The following COL23A1 variants were observed in gnomAD, a reference collection of about 807,000 sequenced individuals.
The protein encoded by COL23A1 is collagen alpha-1(XXIII) chain.
In COL23A1, 97 loss-of-function variants were observed where a neutral mutation model predicts 99.3. The ratio of observed to expected loss-of-function variants is 0.98; its 90% CI spans 0.83 to 1.16. COL23A1 has a LOEUF of 1.16. Ranked by LOEUF, COL23A1 falls within the 50% of genes most tolerant of loss-of-function variation. The pLI, the probability that COL23A1 is intolerant of heterozygous loss-of-function variation, is 0.00. For missense variants in COL23A1, 762 were observed against 757.4 expected (o/e 1.01, Z -0.07); for synonymous variants, 320 against 308.2 (o/e 1.04, Z -0.40).
chr5:178,329,300 C>T (rs976698884), intron 2 of COL23A1, among the ~76,000 whole-genome samples: 3 of 152,228 alleles, frequency 2.0e-5, no homozygotes, highest in Non-Finnish European at 4.4e-5. Context: ...TCACCCGAGT[C>T]GGCTTCCATT....
intron 1 of COL23A1, among the ~76,000 whole-genome samples, chr5:178,586,897 TAAG>T (rs1179888657): frequency 1.3e-5 from 2 of 152,174 alleles, no homozygotes; most frequent in Non-Finnish European, 2.9e-5. Context: ...ACAGAGTTGA[TAAG>T]AGAAAAGGAA....
At chr5:178,333,942 C>T (rs566245838) in intron 2 of COL23A1, among the ~76,000 whole-genome samples, 1 of 152,302 alleles carries the variant, frequency 6.6e-6, no homozygotes, top group Admixed American at 6.5e-5. Flanking sequence ...CTGTCCAGTG[C>T]GTGAGCCCCT....
At chr5:178,380,691 T>C (rs1311274020) in intron 2 of COL23A1, among the ~76,000 whole-genome samples, 1 of 152,142 alleles carries the variant, frequency 6.6e-6, no homozygotes, top group African/African-American at 2.4e-5. Context: ...CGGCCCTGGC[T>C]AAGAGGACGG....
intron 2 of COL23A1, among the ~76,000 whole-genome samples, chr5:178,435,418 C>T (rs1229864395): frequency 6.6e-6 from 1 of 152,076 alleles, no homozygotes; most frequent in African/African-American, 2.4e-5. Context: ...AACTTCAACC[C>T]TCCACTTGGC....
intron 2 of COL23A1, among the ~76,000 whole-genome samples, chr5:178,420,534 T>A (rs1765572606): frequency 1.4e-5 from 1 of 70,814 alleles, no homozygotes; most frequent in Non-Finnish European, 2.8e-5. Flanking sequence ...CCTCCTCACT[T>A]TCCTCCTCCC....
At chr5:178,435,621 C>T (rs1303176185) in intron 2 of COL23A1, among the ~76,000 whole-genome samples, 2 of 152,186 alleles carry the variant, frequency 1.3e-5, no homozygotes, top group African/African-American at 2.4e-5. Flanking sequence ...GGATGCATCT[C>T]GTGGGCTTCC....
rs1484964158 is a variant in COL23A1 at position 178,323,040 on chromosome 5, G to A, written c.362-16121C>T. Among the ~76,000 whole-genome samples, 7 of 152,258 alleles carry A rather than the reference G, an allele frequency of 4.6e-5. No homozygotes were observed. In the South Asian group the frequency reaches 1.2e-3, roughly 27 times the overall value. ...CTTTCGGAGGGAGGCTAAGCAGGAC[G>A]GGGTGGAGGATGTGGGGTGGCATGT... On this transcript the variant is annotated intron_variant, in intron 2 of 28. Coordinates refer to ENST00000390654, the MANE Select transcript of COL23A1 (RefSeq NM_173465.4).
chr5:178,493,645 A>G lies in COL23A1; in HGVS notation c.361+67037T>C, dbSNP rs1163024686. On this transcript the variant is annotated intron_variant, in intron 2 of 28. Coordinates refer to ENST00000390654, the MANE Select transcript of COL23A1 (RefSeq NM_173465.4). ...CCACACCTCCAAGGTTCCAGAGAGG[A>G]AAGTTCAAGGAAAGAGTTTTCTCTG... 2.6e-5 allele frequency among the ~76,000 whole-genome samples: 4 copies of G among 152,254 alleles called. No individual in the cohort carries two copies. The East Asian group carries it at 5.8e-4, about 22-fold the overall frequency.
At chr5:178,321,169 A>G (rs1759281867) in intron 2 of COL23A1, among the ~76,000 whole-genome samples, 1 of 152,224 alleles carries the variant, frequency 6.6e-6, no homozygotes, top group Non-Finnish European at 1.5e-5. Context: ...CATCTTAACC[A>G]TTCTTGAGTG....
intron 2 of COL23A1, among the ~76,000 whole-genome samples, chr5:178,370,676 C>T (rs769003635): frequency 5.8e-4 from 89 of 152,142 alleles, no homozygotes; most frequent in South Asian, 1.7e-3. Context: ...CTGGGTAACA[C>T]GGTGAGACCC....
chr5:178,414,995 G>A (rs1002809960), intron 2 of COL23A1, among the ~76,000 whole-genome samples: 4 of 152,094 alleles, frequency 2.6e-5, no homozygotes, highest in African/African-American at 9.7e-5. Context: ...AGCCAGAAAT[G>A]GCACCCAAAA....
chr5:178,489,850 A>G (rs769348998), intron 2 of COL23A1, among the ~76,000 whole-genome samples: 2 of 152,216 alleles, frequency 1.3e-5, no homozygotes, highest in Non-Finnish European at 2.9e-5. Context: ...TACAATACCC[A>G]AGAGGTAGAA....
rs1416581334 is a variant in COL23A1 at position 178,270,335 on chromosome 5, AC to A, written c.468+1del. 1.5e-5 allele frequency: 25 copies of A among 1,613,824 alleles called. No homozygotes were observed. Among genetic ancestry groups the A allele is most frequent in the Non-Finnish European group, 1.9e-5 (23 of 1,180,004 alleles). On this transcript the variant is annotated splice_donor_variant, in intron 6 of 28. Coordinates refer to ENST00000390654, the MANE Select transcript of COL23A1 (RefSeq NM_173465.4). LOFTEE classifies it high-confidence loss of function. ...CCCTGGAATTGCCCTGTCATCACTT[AC>A]GGGCTTGCCATCCAAACCCAGGGGT...
chr5:178,283,864 G>A (rs1400361470), intron 5 of COL23A1, among the ~76,000 whole-genome samples: 1 of 152,190 alleles, frequency 6.6e-6, no homozygotes, highest in African/African-American at 2.4e-5. Context: ...ATGACATTGA[G>A]CTTCTAATTA....
At position 178,302,447 on chromosome 5, in the gene COL23A1, C is replaced by CTG. The variant is rs1758125482; in HGVS notation, c.406+4426_406+4427dup. ...GCCGGAGCACGGCTTCAATCCACCT[C>CTG]TGTGTGTGCCGGAGCACGGCTTCAA... On this transcript the variant is annotated intron_variant, in intron 3 of 28. Transcript: ENST00000390654. 4.0e-5 allele frequency among the ~76,000 whole-genome samples: 2 copies of CTG among 49,816 alleles called. 1 individual carries two copies. 32.7% of individuals were successfully genotyped at this position (49,816 alleles called of 152,430 possible). A position where few individuals can be genotyped will look rare whatever the true frequency, so the allele number is the denominator to read the frequency against.
At chr5:178,488,316 T>C (rs768409309) in intron 2 of COL23A1, among the ~76,000 whole-genome samples, 8 of 152,270 alleles carry the variant, frequency 5.3e-5, no homozygotes, top group Admixed American at 1.3e-4. Flanking sequence ...GTCACCTGCC[T>C]GATGGGGAGC....
At chr5:178,405,044 T>G (rs748029797) in intron 2 of COL23A1, among the ~76,000 whole-genome samples, 8 of 152,194 alleles carry the variant, frequency 5.3e-5, no homozygotes, top group Non-Finnish European at 1.0e-4. Context: ...CCATGATCCC[T>G]CCTCAGGCTT....
chr5:178,383,416 C>T (rs1763489247), intron 2 of COL23A1, among the ~76,000 whole-genome samples: 1 of 152,256 alleles, frequency 6.6e-6, no homozygotes, highest in African/African-American at 2.4e-5. Flanking sequence ...AAGGGTGGCT[C>T]CCTTGGTCCA....
intron 2 of COL23A1, among the ~76,000 whole-genome samples, chr5:178,373,256 A>C (rs965587202): frequency 6.6e-6 from 1 of 152,014 alleles, no homozygotes. Context: ...TCAGCTATAA[A>C]ATGGGCACAG....
Sources: allele counts gnomAD v4.1 joint callset (sites outside exome capture counted in the v4.1 genomes callset), GRCh38; gene constraint gnomAD v4.1.1; transcripts MANE v1.5; gene names NCBI Gene and HGNC (gene_info 2026-07-23, HGNC 2026-07-21).